The following MRE11 variants were observed in gnomAD, a reference collection of about 807,000 sequenced individuals.
MRE11 encodes the protein MRE11 double strand break repair nuclease.
MRE11 carries 62 observed loss-of-function variants against 91.7 expected under a neutral mutation model. The ratio of observed to expected loss-of-function variants is 0.68; its 90% CI spans 0.55 to 0.84. The LOEUF (loss-of-function observed/expected upper bound fraction) is 0.84, where lower values mean the gene tolerates loss of function less well. MRE11 is among the 40% of genes least tolerant of loss of function. The pLI is 0.00. For synonymous variants in MRE11, 273 were observed against 271.4 expected (o/e 1.01, Z -0.06); for missense variants, 796 against 852.9 (o/e 0.93, Z 0.83).
chr11:94,470,794 G>T, intron 8 of MRE11, 152 bp from the exon 9 acceptor site: 1 of 865,078 alleles, frequency 1.2e-6, no homozygotes, highest in Non-Finnish European at 1.8e-6. Flanking sequence ...TAACCTTAAT[G>T]TTATCATCAC....
chr11:94,420,449 A>T (rs371524926), intron 19 of MRE11, among the ~76,000 whole-genome samples: 2 of 152,356 alleles, frequency 1.3e-5, no homozygotes, highest in African/African-American at 4.8e-5. Context: ...AGATAAATGA[A>T]GTATAGGTAA....
At chr11:94,451,035 T>A (rs994737017) in intron 14 of MRE11, among the ~76,000 whole-genome samples, 1 of 151,764 alleles carries the variant, frequency 6.6e-6, no homozygotes, top group African/African-American at 2.4e-5. Context: ...AGCTCACATC[T>A]ATACTTTGGG....
intron 6 of MRE11, among the ~76,000 whole-genome samples, chr11:94,477,758 G>T (rs937400446): frequency 1.4e-5 from 2 of 143,570 alleles, no homozygotes; most frequent in Non-Finnish European, 2.9e-5. Flanking sequence ...TAAAAAGTCT[G>T]AGAGAAAAAG....
At chr11:94,444,655 T>C (rs1023531784) in intron 16 of MRE11, among the ~76,000 whole-genome samples, 2 of 152,186 alleles carry the variant, frequency 1.3e-5, no homozygotes, top group Admixed American at 1.3e-4. Context: ...CTTTTTCACC[T>C]GGGTTGCTGT....
chr11:94,453,590 T>C lies in MRE11; in HGVS notation c.1563+2686A>G, dbSNP rs114744375. On this transcript the variant is annotated intron_variant, in intron 14 of 19. Transcript: ENST00000323929. ...TCTGGTGATCTTGAGTGTCTTTTCA[T>C]GTGCTATAATTTGTAAAGCTTCTTT... Among the ~76,000 whole-genome samples, 878 of 152,354 alleles carry C rather than the reference T, an allele frequency of 5.8e-3. 5 individuals are homozygous for C. The highest frequency in any genetic ancestry group is 0.019 in the African/African-American group (796 of 41,584).
At chr11:94,451,151 T>C (rs1591660301) in intron 14 of MRE11, among the ~76,000 whole-genome samples, 1 of 145,852 alleles carries the variant, frequency 6.9e-6, no homozygotes, top group African/African-American at 2.5e-5. Context: ...TAGCTGGGAG[T>C]GGTAGCACAC....
intron 1 of MRE11, 138 bp from the exon 2 acceptor site, chr11:94,493,044 A>G: frequency 1.8e-6 from 1 of 560,190 alleles, no homozygotes; most frequent in Non-Finnish European, 3.1e-6. Context: ...CTAAGCACCC[A>G]CTATACTTTT....
In MRE11 at chr11:94,415,944, G is replaced by T. The variant is rs753308226; in HGVS notation, c.*4181C>A. ...TCCTGCCTCAGCCTCCTGAGTAGTT[G>T]GGATTACAGGCGCCCACCACCATGC... On this transcript the variant is annotated 3_prime_UTR_variant, in exon 20 of 20. Coordinates refer to ENST00000323929, the MANE Select transcript of MRE11 (RefSeq NM_005591.4). 1 of 152,092 alleles carries T rather than the reference G, an allele frequency of 6.6e-6. No individual in the cohort carries two copies. The highest frequency in any genetic ancestry group is 1.5e-5 in the Non-Finnish European group (1 of 68,074). 9.4% of individuals were successfully genotyped at this position (152,092 alleles called of 1,614,324 possible).
intron 18 of MRE11, 83 bp from the exon 19 acceptor site, chr11:94,430,069 A>G: frequency 7.9e-7 from 1 of 1,258,804 alleles, no homozygotes. Context: ...TTTTCAATCC[A>G]GCAGCTGCCA....
the MRE11 span, among the ~76,000 whole-genome samples, chr11:94,507,293 T>C: frequency 6.6e-6 from 1 of 152,254 alleles, no homozygotes; most frequent in African/African-American, 2.4e-5. Context: ...CATTTCTGCA[T>C]GTAGCAGGGT....
intron 4 of MRE11, among the ~76,000 whole-genome samples, chr11:94,480,060 C>A (rs916432964): frequency 1.1e-3 from 174 of 152,208 alleles, no homozygotes; most frequent in African/African-American, 3.9e-3. Context: ...ATTTTAAAAA[C>A]TTAGCATATG....
At chr11:94,482,178 T>C (rs1947029075) in intron 4 of MRE11, among the ~76,000 whole-genome samples, 1 of 152,222 alleles carries the variant, frequency 6.6e-6, no homozygotes, top group Admixed American at 6.5e-5. Context: ...GTCTTTATGC[T>C]GGTCACTACT....
chr11:94,472,363 T>C (rs1165686303), intron 7 of MRE11, among the ~76,000 whole-genome samples: 1 of 152,128 alleles, frequency 6.6e-6, no homozygotes, highest in Non-Finnish European at 1.5e-5. Flanking sequence ...TTCCCTAATA[T>C]TAACTTACAT....
chr11:94,507,639 G>C, the MRE11 span, among the ~76,000 whole-genome samples: 1 of 152,034 alleles, frequency 6.6e-6, no homozygotes, highest in African/African-American at 2.4e-5. Context: ...TTACTGCCAG[G>C]TTTGTTGATT....
At chr11:94,438,170 T>A (rs1248892870) in intron 16 of MRE11, among the ~76,000 whole-genome samples, 1 of 152,022 alleles carries the variant, frequency 6.6e-6, no homozygotes, top group African/African-American at 2.4e-5. Context: ...CTACAATAAA[T>A]TTCAAACGTC....
chr11:94,453,852 A>G (rs928525413), intron 14 of MRE11, among the ~76,000 whole-genome samples: 3 of 152,128 alleles, frequency 2.0e-5, no homozygotes, highest in African/African-American at 7.2e-5. Context: ...AACATAAGAA[A>G]TCAGAGGCCA....
chr11:94,450,662 A>C (rs374342832), intron 14 of MRE11, among the ~76,000 whole-genome samples: 2 of 152,178 alleles, frequency 1.3e-5, no homozygotes, highest in Non-Finnish European at 2.9e-5. Context: ...GAACATCTAG[A>C]AAATCATAAC....
Position 94,419,361 on chromosome 11 carries a change from A to G in MRE11, c.*764T>C, listed in dbSNP as rs1945103170. 4.3e-6 allele frequency: 1 copy of G among 232,772 alleles called. No individual in the cohort carries two copies. The highest frequency in any genetic ancestry group is 2.2e-5 in the African/African-American group (1 of 45,312). The allele number at this position is 232,772 out of a possible 1,614,324, so 14.4% of individuals were successfully genotyped here. ...CTTCAATATTTTCAAGATGTAGTTTAAAACAATTTTTAACCCGTTTCCTCC... is the reference window on the plus strand; with the variant it reads ...CTTCAATATTTTCAAGATGTAGTTTGAAACAATTTTTAACCCGTTTCCTCC... On this transcript the variant is annotated 3_prime_UTR_variant, in exon 20 of 20. Coordinates refer to ENST00000323929, the MANE Select transcript of MRE11 (RefSeq NM_005591.4).
At chr11:94,446,711 A>C (rs974090583) in intron 15 of MRE11, among the ~76,000 whole-genome samples, 9 of 152,216 alleles carry the variant, frequency 5.9e-5, no homozygotes, top group African/African-American at 2.2e-4. Context: ...TGACTATGTT[A>C]ATGACTAGTT....
Sources: gnomAD v4.1 joint callset for allele counts (sites outside exome capture counted in the v4.1 genomes callset) on GRCh38, gnomAD v4.1.1 for gene constraint, MANE v1.5 for transcripts, NCBI Gene and HGNC (gene_info 2026-07-23, HGNC 2026-07-21) for gene names.